Variants in ZNF106 observed in about 807,000 individuals in gnomAD.
The protein encoded by ZNF106 is zinc finger protein 106.
ZNF106 carries 67 observed loss-of-function variants against 195.1 expected under a neutral mutation model. The ratio of observed to expected loss-of-function variants is 0.34; its 90% confidence interval spans 0.28 to 0.42. The LOEUF (loss-of-function observed/expected upper bound fraction) is 0.42. Ranked by LOEUF, ZNF106 falls within the 10% of genes least tolerant of loss-of-function variation. The pLI is 1.00. For missense variants in ZNF106, 2,118 were observed against 2,304.5 expected (o/e 0.92, Z 1.66); for synonymous variants, 784 against 818.6 (o/e 0.96, Z 0.72).
At chr15:42,478,655 G>A (rs12898937) in intron 1 of ZNF106, among the ~76,000 whole-genome samples, 87,789 of 151,350 alleles carry the variant, frequency 0.58, 30,293 homozygotes, top group East Asian at 0.81. Flanking sequence ...AGCTTTACAG[G>A]CACCTGCCAC....
chr15:42,435,402 G>A lies in ZNF106; in HGVS notation c.4863C>T (p.Ile1621=), dbSNP rs971237284. 1 of 1,614,170 alleles carries A rather than the reference G, an allele frequency of 6.2e-7. No homozygotes were observed. ...ALYTGSSDHT[I]RCYNVKSREC... ...CACCTACCTTAACATTATAGCAGCG[G>A]ATGGTATGGTCACTGGACCCGGTGT... Residue 1621 remains isoleucine (I), a synonymous_variant, in exon 14 of 22, where the codon ATC becomes ATT. Coordinates refer to ENST00000564754, the MANE Select transcript of ZNF106 (RefSeq NM_001366845.3).
intron 12 of ZNF106, among the ~76,000 whole-genome samples, chr15:42,437,902 CA>C (rs35756160): frequency 0.015 from 1,232 of 81,068 alleles, 11 homozygotes; most frequent in African/African-American, 0.045. Context: ...GACTCCGTCT[CA>C]AAAAAAAAAA....
At chr15:42,478,512 C>CTT (rs58475332) in intron 1 of ZNF106, among the ~76,000 whole-genome samples, 84 of 77,548 alleles carry the variant, frequency 1.1e-3, no homozygotes, top group Non-Finnish European at 1.5e-3. Flanking sequence ...TCCTCTTTTT[C>CTT]TTTTTTTTTT....
chr15:42,448,738 T>C (rs777164478), intron 5 of ZNF106, 33 bp from the exon 6 acceptor site: 1 of 1,552,684 alleles, frequency 6.4e-7, no homozygotes, highest in South Asian at 1.2e-5. Context: ...AAAACATAAA[T>C]TGGATATGGT....
intron 15 of ZNF106, among the ~76,000 whole-genome samples, chr15:42,426,048 G>A (rs2054844909): frequency 6.6e-6 from 1 of 152,160 alleles, no homozygotes; most frequent in Non-Finnish European, 1.5e-5. Context: ...AGCAGAAAGC[G>A]ACAGCTGGGA....
chr15:42,445,098 G>C (rs2055719523), intron 7 of ZNF106, 117 bp from the exon 8 acceptor site: 1 of 1,213,120 alleles, frequency 8.2e-7, no homozygotes, highest in Non-Finnish European at 1.1e-6. Context: ...CTCCTCAGTA[G>C]GTCATTGGAA....
intron 3 of ZNF106, among the ~76,000 whole-genome samples, chr15:42,459,742 T>C (rs546938819): frequency 6.6e-6 from 1 of 152,160 alleles, no homozygotes; most frequent in Non-Finnish European, 1.5e-5. Context: ...ATTTTCCAGT[T>C]AGAAAATCTT....
chr15:42,490,882 C>T (rs2057147967), intron 1 of ZNF106, 98 bp downstream of exon 1: 1 of 152,380 alleles, frequency 6.6e-6, no homozygotes. Flanking sequence ...AGTAGAAACC[C>T]GGTGGTGTCT....
At chr15:42,478,735 C>T (rs1199840938) in intron 1 of ZNF106, among the ~76,000 whole-genome samples, 1 of 151,964 alleles carries the variant, frequency 6.6e-6, no homozygotes, top group Admixed American at 6.6e-5. Flanking sequence ...TGGTCTGGAA[C>T]TCCTGACCTC....
Position 42,451,390 on chromosome 15 carries a change from G to C in ZNF106, c.882C>G (p.Asn294Lys), listed in dbSNP as rs749210757. The C allele has an allele frequency of 6.2e-7, 1 of 1,614,154 alleles. No homozygotes were observed. Among genetic ancestry groups the C allele is most frequent in the Non-Finnish European group, 8.5e-7 (1 of 1,180,024 alleles). ...MLWNKKSNKS[N>K]KYSHDRYNWQ... ...AATTATATCTGTCGTGACTGTATTTGTTTGACTTATTAGATTTCTTGTTCC... is the reference window on the plus strand; with the variant it reads ...AATTATATCTGTCGTGACTGTATTTCTTTGACTTATTAGATTTCTTGTTCC... The change falls in exon 5 of 22, where the codon AAC becomes AAG. Residue 294 changes from asparagine to lysine, a missense_variant. Coordinates refer to ENST00000564754, the MANE Select transcript of ZNF106 (RefSeq NM_001366845.3).
chr15:42,453,571 T>TA (rs758632539), intron 4 of ZNF106, among the ~76,000 whole-genome samples: 174 of 152,266 alleles, frequency 1.1e-3, no homozygotes, highest in South Asian at 2.1e-3. Context: ...TTATCTCACT[T>TA]AGTTTTTATA....
chr15:42,457,968 G>A (rs1270826537), intron 3 of ZNF106, among the ~76,000 whole-genome samples: 2 of 152,132 alleles, frequency 1.3e-5, no homozygotes, highest in Non-Finnish European at 2.9e-5. Context: ...GTCTTCAGAA[G>A]CCAGTCTTGA....
intron 6 of ZNF106, 33 bp from the exon 7 acceptor site, chr15:42,446,691 A>G (rs1288703911): frequency 3.9e-6 from 6 of 1,545,892 alleles, no homozygotes; most frequent in Non-Finnish European, 5.3e-6. Context: ...ATAAAATCCA[A>G]TGTGTAAAAG....
Position 42,448,686 on chromosome 15 carries a change from GT to G in ZNF106, c.2520del (p.Val843PhefsTer8). The G allele has an allele frequency of 6.2e-7, 1 of 1,602,628 alleles. No individual in the cohort carries two copies. The highest frequency in any genetic ancestry group is 8.5e-7 in the Non-Finnish European group (1 of 1,177,234). On this transcript the variant is annotated frameshift_variant, in exon 6 of 22. Transcript: ENST00000564754. LOFTEE classifies it high-confidence loss of function. The stretch of plus-strand genomic sequence containing the variant: ...GCTTCTTGTTCATTTTGAACAAGGG[GT>G]ACCATTTCTATGCCAAACCTTAAGG... ...KGLPRFGIEMVPLVQNEQEAL... is the reference protein window; with the variant it reads ...KGLPRFGIEMXPLVQNEQEAL...
In ZNF106 at chr15:42,451,672, G is replaced by A. The variant is rs562555827; in HGVS notation, c.600C>T (p.Asn200=). 6.2e-6 allele frequency: 10 copies of A among 1,614,032 alleles called. No homozygotes were observed. Among genetic ancestry groups the A allele is most frequent in the Non-Finnish European group, 7.6e-6 (9 of 1,180,048 alleles). ...VAGGSSTWFH[N]HSNSGGGWLS... ...GCCAACCACCTCCAGAATTACTATG[G>A]TTGTGAAACCAAGTCGAGGAGCCTC... The change falls in exon 5 of 22, where the codon AAC becomes AAT. Residue 200 remains asparagine, a synonymous_variant. Coordinates refer to ENST00000564754, the MANE Select transcript of ZNF106 (RefSeq NM_001366845.3).
intron 14 of ZNF106, among the ~76,000 whole-genome samples, chr15:42,434,785 T>C (rs2055210434): frequency 2.0e-5 from 3 of 151,536 alleles, no homozygotes; most frequent in East Asian, 1.9e-4. Flanking sequence ...TTTTTTTTTT[T>C]TTCCTGAGAC....
chr15:42,423,666 T>C (rs541752729), intron 17 of ZNF106, among the ~76,000 whole-genome samples: 16 of 152,266 alleles, frequency 1.1e-4, no homozygotes, highest in African/African-American at 2.9e-4. Context: ...GTGACAGCCA[T>C]TGGGCCCAGC....
Position 42,417,962 on chromosome 15 carries a change from A to G in ZNF106, c.5518-11T>C. On this transcript the variant is annotated splice_polypyrimidine_tract_variant and intron_variant, in intron 20 of 21. Transcript: ENST00000564754. ...AGAGCAACCATGCCACTGGAGAGAA[A>G]GAAAATGAGGAGACTCGGTGAAAAA... 6.2e-7 allele frequency: 1 copy of G among 1,609,764 alleles called. No individual in the cohort carries two copies. The highest frequency in any genetic ancestry group is 8.5e-7 in the Non-Finnish European group (1 of 1,178,108).
At chr15:42,453,294 A>G (rs1443710788) in intron 4 of ZNF106, among the ~76,000 whole-genome samples, 3 of 152,210 alleles carry the variant, frequency 2.0e-5, no homozygotes, top group Admixed American at 6.5e-5. Flanking sequence ...AATATGTGCT[A>G]TAAGGAGCTT....
Sources: allele counts gnomAD v4.1 joint callset (sites outside exome capture counted in the v4.1 genomes callset), GRCh38; gene constraint gnomAD v4.1.1; transcripts MANE v1.5; gene names NCBI Gene and HGNC (gene_info 2026-07-23, HGNC 2026-07-21).